LCOR: variants seen among roughly 807,000 people sequenced by gnomAD.
LCOR encodes the protein ligand dependent nuclear receptor corepressor, also known as ligand-dependent corepressor.
In LCOR, 14 loss-of-function variants were observed where a neutral mutation model predicts 64.4. The ratio of observed to expected loss-of-function variants is 0.22; its 90% CI spans 0.14 to 0.34. The LOEUF is 0.34. Ranked by LOEUF, LCOR falls within the 10% of genes least tolerant of loss-of-function variation. LCOR has a pLI of 1.00. For synonymous variants in LCOR, 643 were observed against 642.5 expected (o/e 1.00, Z -0.01); for missense variants, 1,686 against 1,765.3 (o/e 0.96, Z 0.80).
chr10:96,941,002 G>C (rs1847451057), intron 4 of LCOR, among the ~76,000 whole-genome samples: 1 of 130,756 alleles, frequency 7.6e-6, no homozygotes, highest in East Asian at 2.4e-4. Context: ...CCCGGATGGG[G>C]CGGCCGGCCG....
chr10:96,899,262 G>C (rs1240542843), intron 2 of LCOR, among the ~76,000 whole-genome samples: 2 of 152,052 alleles, frequency 1.3e-5, no homozygotes, highest in African/African-American at 4.8e-5. Flanking sequence ...AGAGTTATAA[G>C]TATCTGCATA....
At chr10:96,957,801 T>C (rs1847809569) in intron 7 of LCOR, 1 of 985,654 alleles carries the variant, frequency 1.0e-6, no homozygotes, top group African/African-American at 1.7e-5. Context: ...TTGACATAGC[T>C]TGGGTGTGGG....
rs531944887 is a variant in LCOR at position 96,937,406 on chromosome 10, C to T, written c.-183-6707C>T. Among the ~76,000 whole-genome samples, 11 of 152,310 alleles carry T rather than the reference C, an allele frequency of 7.2e-5. 1 individual carries two copies. The South Asian group carries it at 2.1e-3, about 29-fold the overall frequency. On this transcript the variant is annotated intron_variant, in intron 4 of 7. Transcript: ENST00000421806. The stretch of plus-strand genomic sequence containing the variant: ...CCACCCAGTTTGTGATAAAATATAA[C>T]ACCCCTAGGGAACTAATACTTAGAA...
chr10:96,878,997 T>C (rs574615167), intron 2 of LCOR, among the ~76,000 whole-genome samples: 7 of 152,244 alleles, frequency 4.6e-5, no homozygotes, highest in Admixed American at 3.9e-4. Flanking sequence ...GGTCTTGCCA[T>C]GTTGCCCAGG....
At chr10:96,965,344 G>T (rs566420479) in intron 7 of LCOR, among the ~76,000 whole-genome samples, 1 of 151,004 alleles carries the variant, frequency 6.6e-6, no homozygotes, top group East Asian at 2.0e-4. Context: ...TGATGCTATT[G>T]TTAATTGGTC....
At chr10:96,850,312 G>A (rs57716318) in intron 2 of LCOR, among the ~76,000 whole-genome samples, 21,385 of 151,976 alleles carry the variant, frequency 0.14, 2,067 homozygotes, top group African/African-American at 0.27. Flanking sequence ...CACTTTGGGA[G>A]GCTGAGGTGG....
intron 4 of LCOR, among the ~76,000 whole-genome samples, chr10:96,920,710 GTA>G (rs1270647352): frequency 7.2e-6 from 1 of 138,238 alleles, no homozygotes; most frequent in Non-Finnish European, 1.5e-5. Context: ...ATATATGTGT[GTA>G]TATATGTATA....
In LCOR at chr10:96,983,503, T is replaced by C; in HGVS notation, c.3043T>C (p.Leu1015=). ...TGATGCCCCATGCAGCTCTCTTGGG[T>C]TGTCGAGTAGTGGAAGTGGTGATGC... ...ESDAPCSSLG[L]SSSGSGDAAR... Residue 1015 remains leucine, a synonymous_variant, in exon 8 of 8, where the codon TTG becomes CTG. Coordinates refer to ENST00000421806, the MANE Select transcript of LCOR (RefSeq NM_001346516.2). The surrounding 1 kb of genome is among the most constrained non-coding windows in gnomAD (Gnocchi z 4.5). 1.2e-6 allele frequency: 2 copies of C among 1,614,020 alleles called. No individual in the cohort carries two copies. Among genetic ancestry groups the C allele is most frequent in the Non-Finnish European group, 1.7e-6 (2 of 1,180,010 alleles).
intron 4 of LCOR, chr10:96,907,977 T>C (rs1015268198): frequency 6.6e-6 from 1 of 152,244 alleles, no homozygotes; most frequent in African/African-American, 2.4e-5. Flanking sequence ...ATTGTTGTTA[T>C]TTTGTTTTTT....
Position 96,983,311 on chromosome 10 carries a change from C to A in LCOR, c.2851C>A (p.Gln951Lys). The A allele has an allele frequency of 6.2e-7, 1 of 1,614,180 alleles. No homozygotes were observed. The highest frequency in any genetic ancestry group is 1.1e-5 in the South Asian group (1 of 91,082). The change falls in exon 8 of 8, where the codon CAG becomes AAG. Residue 951 changes from glutamine (Q) to lysine (K), a missense_variant. Around this residue, in one of 3 missense-constraint regions of LCOR, gnomAD observed 1,293 missense variants for 1,410.4 expected, o/e 0.92. Coordinates refer to ENST00000421806, the MANE Select transcript of LCOR (RefSeq NM_001346516.2). This position sits in a 1 kb window ranked among gnomAD's most constrained non-coding sequence, Gnocchi z 4.5. The part of the protein sequence containing the change: ...LPGERLEIYV[Q>K]SKMDEKNAHI... Reference sequence around the variant, plus strand: ...TGGAGAGAGATTGGAAATCTATGTTCAGTCTAAAATGGATGAGAAGAATGC... The same window carrying A: ...TGGAGAGAGATTGGAAATCTATGTTAAGTCTAAAATGGATGAGAAGAATGC...
chr10:96,897,676 G>T (rs1846562891), intron 2 of LCOR, among the ~76,000 whole-genome samples: 1 of 151,890 alleles, frequency 6.6e-6, no homozygotes, highest in Admixed American at 6.6e-5. Flanking sequence ...TAATACTATT[G>T]TTTTTCAGGA....
chr10:96,846,757 A>G (rs930656338), intron 2 of LCOR, among the ~76,000 whole-genome samples: 2 of 152,190 alleles, frequency 1.3e-5, no homozygotes, highest in African/African-American at 4.8e-5. Context: ...ACCCCCATAC[A>G]TCTACTGAAA....
intron 2 of LCOR, among the ~76,000 whole-genome samples, chr10:96,856,868 A>G (rs966400294): frequency 6.6e-6 from 1 of 151,756 alleles, no homozygotes; most frequent in African/African-American, 2.4e-5. Flanking sequence ...AAAAAAAAGT[A>G]AAAAAAATTA....
chr10:96,864,537 T>A (rs1264492202), intron 2 of LCOR, among the ~76,000 whole-genome samples: 1 of 152,122 alleles, frequency 6.6e-6, no homozygotes, highest in Non-Finnish European at 1.5e-5. Context: ...GCACTTAGAA[T>A]ATAATGGGAA....
At chr10:96,923,109 C>T (rs1327389882) in intron 4 of LCOR, among the ~76,000 whole-genome samples, 1 of 152,146 alleles carries the variant, frequency 6.6e-6, no homozygotes, top group Non-Finnish European at 1.5e-5. Context: ...GGAGACATTT[C>T]CCCTAAGACT....
chr10:96,870,196 G>GT (rs906597606), intron 2 of LCOR, among the ~76,000 whole-genome samples: 4 of 151,574 alleles, frequency 2.6e-5, no homozygotes, highest in East Asian at 2.0e-4. Context: ...CTAATTTTTT[G>GT]TTTTTTGTAG....
intron 2 of LCOR, among the ~76,000 whole-genome samples, chr10:96,873,705 C>T (rs1846116671): frequency 6.6e-6 from 1 of 151,358 alleles, no homozygotes; most frequent in South Asian, 2.1e-4. Context: ...CTGGTTCAAG[C>T]GATTCTCCTG....
chr10:96,907,017 A>G (rs922238462), intron 2 of LCOR, among the ~76,000 whole-genome samples: 1 of 152,186 alleles, frequency 6.6e-6, no homozygotes, highest in African/African-American at 2.4e-5. Flanking sequence ...AAACCTGTGA[A>G]TTTCCATTCC....
At position 96,984,119 on chromosome 10, in the gene LCOR, A is replaced by G. The variant is rs763427126; in HGVS notation, c.3659A>G (p.Tyr1220Cys). ...VPPVKHPLQK[Y>C]APSSLYPSSL... ...CCTGTCAAGCATCCTCTTCAGAAAT[A>G]CGCTCCTTCCAGCCTATATCCCAGT... The change falls in exon 8 of 8, where the codon TAC (tyrosine) becomes TGC (cysteine). Residue 1220 changes from tyrosine to cysteine, a missense_variant. Coordinates refer to ENST00000421806, the MANE Select transcript of LCOR (RefSeq NM_001346516.2). The G allele has an allele frequency of 1.7e-5, 27 of 1,614,056 alleles. No homozygotes were observed. In the Admixed American group the frequency reaches 4.5e-4, roughly 27 times the overall value.
Sources: gnomAD v4.1 joint callset for allele counts (sites outside exome capture counted in the v4.1 genomes callset) on GRCh38, gnomAD v4.1.1 for gene constraint, gnomAD v4.1.1 regional missense constraint, Gnocchi (gnomAD v3.1) non-coding constraint, MANE v1.5 for transcripts, NCBI Gene and HGNC (gene_info 2026-07-23, HGNC 2026-07-21) for gene names.